Variants in C2CD5 observed in about 807,000 individuals in gnomAD.
C2CD5 encodes C2 calcium dependent domain containing 5.
C2CD5 carries 109 observed loss-of-function variants against 130.3 expected under a neutral mutation model. The observed-to-expected ratio is 0.84, with a 90% CI of 0.72 to 0.98. The LOEUF is 0.98. C2CD5 is among the 50% of genes least tolerant of loss of function. C2CD5 has a pLI of 0.00. For missense variants in C2CD5, 996 were observed against 1,261.8 expected (o/e 0.79, Z 3.19); for synonymous variants, 454 against 429.2 (o/e 1.06, Z -0.71).
chr12:22,449,810 G>C lies in C2CD5; in HGVS notation c.3106C>G (p.Pro1036Ala), dbSNP rs780591101. 1.2e-6 allele frequency: 2 copies of C among 1,610,414 alleles called. No individual in the cohort carries two copies. The highest frequency in any genetic ancestry group is 1.7e-6 in the Non-Finnish European group (2 of 1,177,336). Residue 1036 changes from proline (P) to alanine (A), a missense_variant, in exon 27 of 27, where the codon CCT (proline) becomes GCT (alanine). Coordinates refer to ENST00000446597, the MANE Select transcript of C2CD5 (RefSeq NM_001286176.2). ...CATGATGACTGGCAGTTGGTAGTAG[G>C]TTGCTGAGATGACACCACTTCTAAG... ...SDLEVVSSQQ[P>A]TTNCQSSCTE...
chr12:22,478,440 G>A lies in C2CD5; in HGVS notation c.1775C>T (p.Pro592Leu). Residue 592 changes from proline to leucine, a missense_variant, in exon 15 of 27, where the codon CCT becomes CTT. Transcript: ENST00000446597. ...CTTCCCAGCAATCTGAATACCACCA[G>A]GAGTTGGTAAAGCTGCTAAATACAC... ...TGVYLAALPT[P>L]GGIQIAGKTP... 1 of 1,613,394 alleles carries A rather than the reference G, an allele frequency of 6.2e-7. No individual in the cohort carries two copies. Among genetic ancestry groups the A allele is most frequent in the South Asian group, 1.1e-5 (1 of 91,060 alleles).
intron 15 of C2CD5, among the ~76,000 whole-genome samples, chr12:22,477,816 T>C (rs1238057900): frequency 1.3e-5 from 2 of 152,190 alleles, no homozygotes; most frequent in Admixed American, 6.6e-5. Context: ...TGAAAAACTA[T>C]ATTCTTTCAC....
chr12:22,476,490 A>T (rs897029432), intron 15 of C2CD5, among the ~76,000 whole-genome samples: 5 of 152,244 alleles, frequency 3.3e-5, no homozygotes, highest in East Asian at 1.9e-4. Context: ...TAAAATTTTT[A>T]AAATCATAAT....
chr12:22,502,076 A>ATT (rs1329996258), intron 10 of C2CD5, among the ~76,000 whole-genome samples: 1 of 152,114 alleles, frequency 6.6e-6, no homozygotes, highest in African/African-American at 2.4e-5. Flanking sequence ...TTGACTCTAA[A>ATT]ACACATCATC....
intron 2 of C2CD5, among the ~76,000 whole-genome samples, chr12:22,539,165 T>C (rs1427614709): frequency 1.3e-5 from 2 of 152,174 alleles, no homozygotes; most frequent in African/African-American, 2.4e-5. Context: ...TCTCTTTAAA[T>C]CACTACAGGA....
At chr12:22,494,000 C>T (rs16925050) in intron 10 of C2CD5, among the ~76,000 whole-genome samples, 3,218 of 151,906 alleles carry the variant, frequency 0.021, 104 homozygotes, top group African/African-American at 0.073. Context: ...ATGTATTGGT[C>T]TGTAATTTTA....
At chr12:22,491,542 T>G (rs1281639777) in intron 11 of C2CD5, among the ~76,000 whole-genome samples, 2 of 152,084 alleles carry the variant, frequency 1.3e-5, no homozygotes, top group Non-Finnish European at 2.9e-5. Context: ...AATTATCCAG[T>G]AGAATGTAAA....
chr12:22,511,715 TC>T (rs1044488713), intron 9 of C2CD5, among the ~76,000 whole-genome samples: 8 of 152,232 alleles, frequency 5.3e-5, no homozygotes, highest in Non-Finnish European at 1.2e-4. Context: ...AATATTTTTT[TC>T]CCTTAAAGTG....
At chr12:22,542,315 G>C (rs1352950137) in intron 2 of C2CD5, among the ~76,000 whole-genome samples, 1 of 152,242 alleles carries the variant, frequency 6.6e-6, no homozygotes, top group Non-Finnish European at 1.5e-5. Flanking sequence ...AAGCGGGAGA[G>C]GCAGGAGGAT....
chr12:22,539,743 C>T (rs1261952879), intron 2 of C2CD5, among the ~76,000 whole-genome samples: 1 of 152,004 alleles, frequency 6.6e-6, no homozygotes, highest in Non-Finnish European at 1.5e-5. Flanking sequence ...CCTGTAATCC[C>T]CGCACTTTGG....
intron 11 of C2CD5, among the ~76,000 whole-genome samples, chr12:22,492,120 T>C (rs990337636): frequency 2.6e-5 from 4 of 152,186 alleles, no homozygotes; most frequent in African/African-American, 9.7e-5. Flanking sequence ...TGACCACATT[T>C]ACTACAGTTT....
At chr12:22,501,677 G>C (rs1444072118) in intron 10 of C2CD5, among the ~76,000 whole-genome samples, 3 of 152,042 alleles carry the variant, frequency 2.0e-5, no homozygotes, top group Admixed American at 6.5e-5. Context: ...TGGATTTACC[G>C]ATTGATATCA....
chr12:22,477,715 A>C (rs966955102), intron 15 of C2CD5, among the ~76,000 whole-genome samples: 4 of 152,132 alleles, frequency 2.6e-5, no homozygotes, highest in Non-Finnish European at 4.4e-5. Context: ...TCCACAGAGG[A>C]GGCAGCATTG....
chr12:22,535,207 A>C (rs766163062), intron 3 of C2CD5, 51 bp downstream of exon 3: 1 of 940,026 alleles, frequency 1.1e-6, no homozygotes, highest in Non-Finnish European at 1.7e-6. Flanking sequence ...CTGAGGGAAA[A>C]GAGTCACCTC....
intron 3 of C2CD5, among the ~76,000 whole-genome samples, chr12:22,530,305 A>AAT (rs965905056): frequency 9.5e-4 from 142 of 148,800 alleles, no homozygotes; most frequent in Admixed American, 1.4e-3. Flanking sequence ...TTTAAAACTG[A>AAT]ATATATATAT....
At chr12:22,521,463 T>TAA (rs1950261402) in intron 7 of C2CD5, among the ~76,000 whole-genome samples, 1 of 152,208 alleles carries the variant, frequency 6.6e-6, no homozygotes, top group Non-Finnish European at 1.5e-5. Flanking sequence ...AACCAACAGG[T>TAA]AATATAGCTT....
intron 22 of C2CD5, among the ~76,000 whole-genome samples, chr12:22,467,661 A>C (rs1418146341): frequency 6.6e-6 from 1 of 152,212 alleles, no homozygotes; most frequent in East Asian, 1.9e-4. Context: ...CCTAATCCAT[A>C]GCAGAACTGA....
At chr12:22,468,513 C>T (rs922003163) in intron 22 of C2CD5, among the ~76,000 whole-genome samples, 13 of 152,068 alleles carry the variant, frequency 8.5e-5, no homozygotes, top group African/African-American at 2.9e-4. Context: ...CCAACAGGCC[C>T]GGCCCAAAGA....
chr12:22,454,440 T>TTATC (rs1939380387), intron 25 of C2CD5, among the ~76,000 whole-genome samples: 2 of 152,146 alleles, frequency 1.3e-5, no homozygotes, highest in Admixed American at 1.3e-4. Context: ...AACTTACCTG[T>TTATC]TATCTATATC....
Sources: allele counts gnomAD v4.1 joint callset (sites outside exome capture counted in the v4.1 genomes callset), GRCh38; gene constraint gnomAD v4.1.1; transcripts MANE v1.5; gene names NCBI Gene and HGNC (gene_info 2026-07-23, HGNC 2026-07-21).